The following SH3GL3 variants were observed in gnomAD, a reference collection of about 807,000 sequenced individuals.
The protein encoded by SH3GL3 is SH3 domain containing GRB2 like 3, endophilin A3, also known as endophilin-A3.
A neutral mutation model predicts 47.7 loss-of-function variants in SH3GL3; 33 were observed. The observed-to-expected ratio is 0.69, with a 90% CI of 0.52 to 0.92. The LOEUF is 0.92. Among genes scored for constraint, SH3GL3 ranks in the 40% least tolerant of loss-of-function variants. The pLI is 0.00. For synonymous variants in SH3GL3, 155 were observed against 148.8 expected (o/e 1.04, Z -0.30); for missense variants, 363 against 417.8 (o/e 0.87, Z 1.14).
intron 2 of SH3GL3, among the ~76,000 whole-genome samples, chr15:83,563,752 C>A (rs553568598): frequency 1.8e-3 from 271 of 152,228 alleles, no homozygotes; most frequent in African/African-American, 6.3e-3. Flanking sequence ...GATTCTCCCA[C>A]CTCAGCCTCC....
chr15:83,463,419 C>T (rs538925240), intron 1 of SH3GL3, among the ~76,000 whole-genome samples: 1 of 152,138 alleles, frequency 6.6e-6, no homozygotes, highest in African/African-American at 2.4e-5. Flanking sequence ...CTTCCTCTTA[C>T]CATCTCCTCT....
At chr15:83,494,835 C>T (rs1048488507) in intron 1 of SH3GL3, among the ~76,000 whole-genome samples, 8 of 152,158 alleles carry the variant, frequency 5.3e-5, no homozygotes, top group African/African-American at 1.9e-4. Flanking sequence ...TGACCCACCG[C>T]ACCTGGCCGC....
Position 83,618,576 on chromosome 15 carries a change from C to T in SH3GL3, c.*289C>T, listed in dbSNP as rs185580681. ...GTCTCACCCATTGCAGTTATGTCAACGAATGGCCTATATTCCTCAGCTGCA... is the reference window on the plus strand; with the variant it reads ...GTCTCACCCATTGCAGTTATGTCAATGAATGGCCTATATTCCTCAGCTGCA... On this transcript the variant is annotated 3_prime_UTR_variant, in exon 9 of 9. Transcript: ENST00000427482. The T allele has an allele frequency of 9.9e-4, 360 of 362,384 alleles. No individual in the cohort carries two copies. Among genetic ancestry groups the T allele is most frequent in the African/African-American group, 5.8e-3 (285 of 49,204 alleles). 22.4% of individuals were successfully genotyped at this position (362,384 alleles called of 1,614,324 possible). A position where few individuals can be genotyped will look rare whatever the true frequency, so the allele number is the denominator to read the frequency against.
chr15:83,472,340 A>C (rs1157469900), intron 1 of SH3GL3, among the ~76,000 whole-genome samples: 3 of 152,092 alleles, frequency 2.0e-5, no homozygotes, highest in Admixed American at 1.3e-4. Flanking sequence ...GATGACATGA[A>C]TGTTAGGTCC....
At chr15:83,563,975 A>G (rs1158360891) in intron 2 of SH3GL3, among the ~76,000 whole-genome samples, 4 of 152,078 alleles carry the variant, frequency 2.6e-5, no homozygotes, top group African/African-American at 9.7e-5. Context: ...GGGAGTTTAG[A>G]ATATTATGCC....
chr15:83,548,160 C>A (rs2044496089), intron 1 of SH3GL3, among the ~76,000 whole-genome samples: 4 of 151,584 alleles, frequency 2.6e-5, no homozygotes, highest in Non-Finnish European at 5.9e-5. Flanking sequence ...TTAGTGGTGG[C>A]TTTTGTGCTA....
At chr15:83,449,761 C>A (rs1212526680) in intron 1 of SH3GL3, among the ~76,000 whole-genome samples, 3 of 144,924 alleles carry the variant, frequency 2.1e-5, no homozygotes, top group Non-Finnish European at 4.5e-5. Context: ...TATGACTTTA[C>A]CTGAAAGGAG....
At chr15:83,489,549 G>C (rs144773750) in intron 1 of SH3GL3, among the ~76,000 whole-genome samples, 1 of 152,148 alleles carries the variant, frequency 6.6e-6, no homozygotes, top group African/African-American at 2.4e-5. Flanking sequence ...ATTTGCAAAC[G>C]ACATTATTCT....
intron 1 of SH3GL3, among the ~76,000 whole-genome samples, chr15:83,466,365 G>T (rs186562442): frequency 2.7e-4 from 41 of 152,074 alleles, no homozygotes; most frequent in Admixed American, 2.6e-3. Flanking sequence ...TCCTGTGAAT[G>T]TAAGTGTGTG....
At chr15:83,576,289 G>A (rs562344377) in intron 5 of SH3GL3, among the ~76,000 whole-genome samples, 10 of 152,292 alleles carry the variant, frequency 6.6e-5, no homozygotes, top group East Asian at 3.9e-4. Flanking sequence ...TATAAAGAAC[G>A]TTGGAAAATA....
chr15:83,578,689 A>T (rs2059751081), intron 6 of SH3GL3, among the ~76,000 whole-genome samples: 1 of 151,136 alleles, frequency 6.6e-6, no homozygotes, highest in Non-Finnish European at 1.5e-5. Context: ...TTTTTGGGAA[A>T]TAGGAGGAGG....
At chr15:83,516,630 G>A (rs2042989746) in intron 1 of SH3GL3, among the ~76,000 whole-genome samples, 1 of 152,140 alleles carries the variant, frequency 6.6e-6, no homozygotes, top group Middle Eastern at 3.4e-3. Flanking sequence ...GGTGGGGGAA[G>A]GTGCCATACA....
chr15:83,497,394 C>G (rs2042124613), intron 1 of SH3GL3, among the ~76,000 whole-genome samples: 1 of 152,122 alleles, frequency 6.6e-6, no homozygotes, highest in Admixed American at 6.5e-5. Context: ...TTCTTCCACG[C>G]CCCCCTTCTC....
At chr15:83,563,950 CTTGT>C (rs1419765165) in intron 2 of SH3GL3, among the ~76,000 whole-genome samples, 5 of 152,134 alleles carry the variant, frequency 3.3e-5, no homozygotes, top group African/African-American at 1.2e-4. Flanking sequence ...TTCCTTCTTT[CTTGT>C]TTGTTTAAAT....
intron 1 of SH3GL3, among the ~76,000 whole-genome samples, chr15:83,491,915 T>G (rs550766447): frequency 2.6e-5 from 4 of 152,168 alleles, no homozygotes; most frequent in Non-Finnish European, 5.9e-5. Context: ...TGTGGTGGTA[T>G]AGGAAGGACA....
At chr15:83,530,947 T>C (rs1260599007) in intron 1 of SH3GL3, among the ~76,000 whole-genome samples, 1 of 152,160 alleles carries the variant, frequency 6.6e-6, no homozygotes, top group Non-Finnish European at 1.5e-5. Context: ...CAGCAAATAG[T>C]AACAACCCCC....
chr15:83,456,673 A>G (rs2039993607), intron 1 of SH3GL3, among the ~76,000 whole-genome samples: 3 of 142,302 alleles, frequency 2.1e-5, no homozygotes, highest in African/African-American at 7.9e-5. Context: ...CGGCTCGCGC[A>G]CGGTGCGCAC....
At chr15:83,614,721 G>A (rs771306466) in intron 8 of SH3GL3, among the ~76,000 whole-genome samples, 6 of 152,154 alleles carry the variant, frequency 3.9e-5, no homozygotes, top group South Asian at 2.1e-4. Flanking sequence ...GGGGAGCTCC[G>A]CTGATGAAGG....
At chr15:83,629,933 T>C in the SH3GL3 span, among the ~76,000 whole-genome samples, 1 of 152,188 alleles carries the variant, frequency 6.6e-6, no homozygotes. Context: ...CAGCCAAATC[T>C]CATGTTAAAC....
Sources: gnomAD v4.1 joint callset for allele counts (sites outside exome capture counted in the v4.1 genomes callset) on GRCh38, gnomAD v4.1.1 for gene constraint, MANE v1.5 for transcripts, NCBI Gene and HGNC (gene_info 2026-07-23, HGNC 2026-07-21) for gene names.